The following NEIL2 variants were observed in gnomAD, a reference collection of about 807,000 sequenced individuals.
The protein encoded by NEIL2 is endonuclease 8-like 2.
NEIL2 carries 23 observed loss-of-function variants against 22.2 expected under a neutral mutation model. That is an observed-to-expected ratio of 1.04 (90% confidence interval 0.75 to 1.47). The LOEUF is 1.47. NEIL2 is among the 40% of genes most tolerant of loss of function. The probability of loss-of-function intolerance (pLI) is 0.00; values close to 1 mark genes in which losing one functional copy is unlikely to be tolerated. For synonymous variants in NEIL2, 229 were observed against 164.8 expected, an observed-to-expected ratio of 1.39 and a Z score of -2.99; for missense variants, 583 against 404.7, an observed-to-expected ratio of 1.44 and a Z score of -3.78.
chr8:11,774,127 G>T (rs927046318), intron 2 of NEIL2, among the ~76,000 whole-genome samples: 1 of 152,192 alleles, frequency 6.6e-6, no homozygotes, highest in Non-Finnish European at 1.5e-5. Context: ...TGTAATCCCA[G>T]CACTTTGGGA....
Position 11,787,061 on chromosome 8 carries a change from A to G in NEIL2, c.*788A>G, listed in dbSNP as rs1184380765. On this transcript the variant is annotated 3_prime_UTR_variant, in exon 5 of 5. Transcript: ENST00000284503. ...TTCCCTGGAGGATCCAGGGATGAGG[A>G]TAGAGTGGCCTGAGAGCAGTGCTTG... The G allele has an allele frequency of 6.6e-6, 1 of 152,296 alleles. No individual in the cohort carries two copies. Among genetic ancestry groups the G allele is most frequent in the South Asian group, 2.1e-4 (1 of 4,798 alleles). 9.4% of individuals were successfully genotyped at this position (152,296 alleles called of 1,614,324 possible).
chr8:11,770,700 G>A (rs1481105840), intron 1 of NEIL2, among the ~76,000 whole-genome samples: 1 of 152,158 alleles, frequency 6.6e-6, no homozygotes, highest in Non-Finnish European at 1.5e-5. Context: ...TCCTCTGCCC[G>A]AACAGCCCGG....
At chr8:11,779,430 G>T (rs904091555) in intron 2 of NEIL2, among the ~76,000 whole-genome samples, 168 bp from the exon 3 acceptor site, 1 of 152,184 alleles carries the variant, frequency 6.6e-6, no homozygotes, top group African/African-American at 2.4e-5. Flanking sequence ...CATGCGAACT[G>T]CTCACACCAC....
intron 2 of NEIL2, among the ~76,000 whole-genome samples, chr8:11,774,057 A>G (rs553896424): frequency 6.6e-6 from 1 of 152,294 alleles, no homozygotes; most frequent in South Asian, 2.1e-4. Flanking sequence ...AAGGCAAGAG[A>G]GCTTGTGCAG....
rs1384477274 is a variant in NEIL2 at position 11,786,874 on chromosome 8, A to T, written c.*601A>T. ...AGGCTGGTTTGAACTCCTACAACTC[A>T]AGCATTCCTCCCACCTTGGTCTCCC... On this transcript the variant is annotated 3_prime_UTR_variant, in exon 5 of 5. Coordinates refer to ENST00000284503, the MANE Select transcript of NEIL2 (RefSeq NM_145043.4). 1.3e-5 allele frequency: 2 copies of T among 154,526 alleles called. No homozygotes were observed. The highest frequency in any genetic ancestry group is 2.9e-5 in the Non-Finnish European group (2 of 69,696). 9.6% of individuals were successfully genotyped at this position (154,526 alleles called of 1,614,324 possible). A position where few individuals can be genotyped will look rare whatever the true frequency, so the allele number is the denominator to read the frequency against.
At chr8:11,783,155 C>G (rs781135047) in intron 3 of NEIL2, 48 bp from the exon 4 acceptor site, 10 of 1,543,212 alleles carry the variant, frequency 6.5e-6, no homozygotes, top group Middle Eastern at 1.7e-4. Flanking sequence ...TGTGCTCTGA[C>G]TATACTGTGG....
chr8:11,771,334 T>TA, intron 1 of NEIL2, 112 bp from the exon 2 acceptor site: 1 of 1,383,608 alleles, frequency 7.2e-7, no homozygotes, highest in Non-Finnish European at 1.0e-6. Context: ...TGCTTGCTCT[T>TA]AAAGTTAGTT....
At chr8:11,778,613 C>T (rs886983844) in intron 2 of NEIL2, among the ~76,000 whole-genome samples, 4 of 152,008 alleles carry the variant, frequency 2.6e-5, no homozygotes, top group Admixed American at 2.6e-4. Flanking sequence ...ATCCTGGAAT[C>T]TAGGCCTACA....
intron 2 of NEIL2, among the ~76,000 whole-genome samples, chr8:11,778,942 T>TAAAAAA (rs1804145840): frequency 5.0e-4 from 1 of 1,992 alleles, no homozygotes; most frequent in Non-Finnish European, 3.5e-3. Context: ...AGACTCCATC[T>TAAAAAA]GAAAAAAAAA....
chr8:11,775,079 T>G (rs1352282886), intron 2 of NEIL2, among the ~76,000 whole-genome samples: 1 of 152,270 alleles, frequency 6.6e-6, no homozygotes, highest in Non-Finnish European at 1.5e-5. Flanking sequence ...TACTAGGCAG[T>G]GCCCCAGTGG....
At chr8:11,778,523 A>T (rs1804104843) in intron 2 of NEIL2, among the ~76,000 whole-genome samples, 1 of 152,152 alleles carries the variant, frequency 6.6e-6, no homozygotes, top group East Asian at 1.9e-4. Context: ...TAACACAGGC[A>T]TTTCCAGTAT....
Position 11,786,583 on chromosome 8 carries a change from A to G in NEIL2, c.*310A>G, listed in dbSNP as rs1234797044. On this transcript the variant is annotated 3_prime_UTR_variant, in exon 5 of 5. Coordinates refer to ENST00000284503, the MANE Select transcript of NEIL2 (RefSeq NM_145043.4). ...AATGGGGCAAGGAAAAAGAAAGCCT[A>G]TGGGAAATGGCTGTGCTCCCAACAT... 4.9e-6 allele frequency: 2 copies of G among 407,624 alleles called. No homozygotes were observed. Among genetic ancestry groups the G allele is most frequent in the Admixed American group, 3.7e-5 (1 of 26,794 alleles). 25.3% of individuals were successfully genotyped at this position (407,624 alleles called of 1,614,324 possible).
intron 2 of NEIL2, among the ~76,000 whole-genome samples, chr8:11,778,568 G>A (rs1007404426): frequency 1.3e-5 from 2 of 152,104 alleles, no homozygotes; most frequent in Non-Finnish European, 2.9e-5. Flanking sequence ...CTCCTTGAAA[G>A]ACTGCCTGAA....
rs1475870907 is a variant in NEIL2, at chr8:11,786,364, C to CAGAG, written c.*92_*95dup. ...GGAGGATGTGGGCAGGGACGGGGTACAGAGGATAGTGTGGGTCAGAGGTGC... is the reference window on the plus strand; with the variant it reads ...GGAGGATGTGGGCAGGGACGGGGTACAGAGAGAGGATAGTGTGGGTCAGAGGTGC... On this transcript the variant is annotated 3_prime_UTR_variant, in exon 5 of 5. Transcript: ENST00000284503. 2 of 1,297,416 alleles carry CAGAG rather than the reference C, an allele frequency of 1.5e-6. No homozygotes were observed. Among genetic ancestry groups the CAGAG allele is most frequent in the African/African-American group, 1.5e-5 (1 of 68,312 alleles). The allele number at this position is 1,297,416 out of a possible 1,614,324, so 80.4% of individuals were successfully genotyped here.
intron 3 of NEIL2, among the ~76,000 whole-genome samples, chr8:11,780,727 A>T (rs1393676385): frequency 6.6e-6 from 1 of 152,192 alleles, no homozygotes; most frequent in Admixed American, 6.5e-5. Flanking sequence ...TTTTATGCAT[A>T]AGACTCTATC....
At chr8:11,776,857 C>G (rs1803946743) in intron 2 of NEIL2, among the ~76,000 whole-genome samples, 1 of 152,142 alleles carries the variant, frequency 6.6e-6, no homozygotes, top group Non-Finnish European at 1.5e-5. Flanking sequence ...TCTGGGGGGA[C>G]TTTGTATCTC....
rs1043180 is a variant in NEIL2 at position 11,787,312 on chromosome 8, C to T, written c.*1039C>T. The T allele has an allele frequency of 0.078, 11,843 of 152,720 alleles. 616 individuals are homozygous for T. Among genetic ancestry groups the T allele is most frequent in the Non-Finnish European group, 0.11 (7,818 of 68,020 alleles). The allele number at this position is 152,720 out of a possible 1,614,324, so 9.5% of individuals were successfully genotyped here. On this transcript the variant is annotated 3_prime_UTR_variant, in exon 5 of 5. Transcript: ENST00000284503. ...TGGCAACAGGTGAATGAACCTAGAG[C>T]GGTGACATGAAAATAAAGCTCACTG... is the stretch of plus-strand genomic sequence containing the variant.
Position 11,786,364 on chromosome 8 carries a change from C to T in NEIL2, c.*91C>T. 1 of 1,297,416 alleles carries T rather than the reference C, an allele frequency of 7.7e-7. No homozygotes were observed. The highest frequency in any genetic ancestry group is 1.3e-5 in the South Asian group (1 of 79,442). The allele number at this position is 1,297,416 out of a possible 1,614,324, so 80.4% of individuals were successfully genotyped here. On this transcript the variant is annotated 3_prime_UTR_variant, in exon 5 of 5. Transcript: ENST00000284503. ...GGAGGATGTGGGCAGGGACGGGGTA[C>T]AGAGGATAGTGTGGGTCAGAGGTGC...
chr8:11,773,173 C>A (rs754142062), intron 2 of NEIL2, among the ~76,000 whole-genome samples: 4 of 152,150 alleles, frequency 2.6e-5, no homozygotes, highest in Admixed American at 6.5e-5. Flanking sequence ...GTCTCTGGAT[C>A]CCCAGCACTT....
Sources: gnomAD v4.1 joint callset for allele counts (sites outside exome capture counted in the v4.1 genomes callset) on GRCh38, gnomAD v4.1.1 for gene constraint, MANE v1.5 for transcripts, NCBI Gene and HGNC (gene_info 2026-07-23, HGNC 2026-07-21) for gene names.